Variants in C1QTNF3 observed in about 807,000 individuals in gnomAD.
The protein encoded by C1QTNF3 is complement C1q tumor necrosis factor-related protein 3.
A neutral mutation model predicts 32.6 loss-of-function variants in C1QTNF3; 26 were observed. The observed-to-expected ratio is 0.80, with a 90% CI of 0.58 to 1.11. C1QTNF3 has a LOEUF of 1.11. C1QTNF3 is among the 50% of genes least tolerant of loss of function. The pLI, the probability that C1QTNF3 is intolerant of heterozygous loss-of-function variation, is 0.00. For missense variants in C1QTNF3, 362 were observed against 398.2 expected (o/e 0.91, Z 0.77); for synonymous variants, 155 against 146.0 (o/e 1.06, Z -0.44).
chr5:34,146,450 T>C, the C1QTNF3 span, among the ~76,000 whole-genome samples: 2 of 152,146 alleles, frequency 1.3e-5, no homozygotes, highest in Non-Finnish European at 2.9e-5. Context: ...AATAGCATGA[T>C]ACTTGTACAA....
chr5:34,092,280 A>C, the C1QTNF3 span, among the ~76,000 whole-genome samples: 1 of 151,766 alleles, frequency 6.6e-6, no homozygotes, highest in Admixed American at 6.6e-5. Context: ...GGAAAAGAAA[A>C]ATTAAATAAT....
the C1QTNF3 span, among the ~76,000 whole-genome samples, chr5:34,131,255 CTTTA>C: frequency 1.8e-4 from 27 of 151,580 alleles, no homozygotes; most frequent in Non-Finnish European, 2.2e-4. Flanking sequence ...GAAATCAACA[CTTTA>C]TTTTTCAAAA....
chr5:34,148,007 C>T, the C1QTNF3 span, among the ~76,000 whole-genome samples: 54 of 152,180 alleles, frequency 3.5e-4, no homozygotes, highest in African/African-American at 1.0e-3. Context: ...GCGCACCATG[C>T]GCGAGCCGAA....
Position 34,019,123 on chromosome 5 carries a change from CT to C in C1QTNF3, c.*1459del, listed in dbSNP as rs1754264598. On this transcript the variant is annotated 3_prime_UTR_variant, in exon 6 of 6. Transcript: ENST00000382065. ...AGCCTGGGCAGCAGCGTGAAACTGT[CT>C]CAAAAAAAAAAAAGATTTAGAATTT... 8.6e-6 allele frequency among the ~76,000 whole-genome samples: 1 copy of C among 115,986 alleles called. No individual in the cohort carries two copies. The highest frequency in any genetic ancestry group is 8.5e-5 in the Admixed American group (1 of 11,716). 76.1% of individuals were successfully genotyped at this position (115,986 alleles called of 152,430 possible).
At chr5:34,025,574 C>T (rs1383793730) in intron 4 of C1QTNF3, among the ~76,000 whole-genome samples, 1 of 152,186 alleles carries the variant, frequency 6.6e-6, no homozygotes, top group Non-Finnish European at 1.5e-5. Context: ...AAAAACCAGC[C>T]TTCTCCGTCT....
chr5:34,082,338 T>C, the C1QTNF3 span, among the ~76,000 whole-genome samples: 2 of 151,404 alleles, frequency 1.3e-5, no homozygotes, highest in African/African-American at 4.9e-5. Flanking sequence ...ATGTTGTGTG[T>C]CCCTGAAAAT....
At chr5:34,231,730 A>G in the C1QTNF3 span, among the ~76,000 whole-genome samples, 1 of 151,998 alleles carries the variant, frequency 6.6e-6, no homozygotes, top group South Asian at 2.1e-4. Context: ...CAGAGGATGT[A>G]TGGAAATGCC....
the C1QTNF3 span, among the ~76,000 whole-genome samples, chr5:34,141,084 T>TAGAAGTCTA: frequency 6.6e-6 from 1 of 152,050 alleles, no homozygotes; most frequent in African/African-American, 2.4e-5. Context: ...TTCTAGAGGA[T>TAGAAGTCTA]AGAAGTCTAA....
chr5:34,086,203 A>G, the C1QTNF3 span, among the ~76,000 whole-genome samples: 1 of 150,984 alleles, frequency 6.6e-6, no homozygotes, highest in African/African-American at 2.5e-5. Flanking sequence ...AAAATCAAAC[A>G]CTGCATGTTC....
chr5:34,185,053 A>G, the C1QTNF3 span, among the ~76,000 whole-genome samples: 1 of 152,290 alleles, frequency 6.6e-6, no homozygotes, highest in Non-Finnish European at 1.5e-5. Flanking sequence ...TGCTTATTTA[A>G]TATATATTGT....
chr5:34,069,343 T>C, the C1QTNF3 span, among the ~76,000 whole-genome samples: 1 of 151,834 alleles, frequency 6.6e-6, no homozygotes, highest in African/African-American at 2.4e-5. Flanking sequence ...TATTAAATTA[T>C]ACATCTAGCA....
chr5:34,072,067 T>C, the C1QTNF3 span, among the ~76,000 whole-genome samples: 2 of 151,996 alleles, frequency 1.3e-5, no homozygotes, highest in Non-Finnish European at 2.9e-5. Context: ...GAAAGATTGA[T>C]TATAATTAAA....
the C1QTNF3 span, among the ~76,000 whole-genome samples, chr5:34,223,915 C>A: frequency 6.6e-6 from 1 of 151,922 alleles, no homozygotes; most frequent in Admixed American, 6.6e-5. Flanking sequence ...TTGTCTCAGC[C>A]CAAAATCTCC....
the C1QTNF3 span, among the ~76,000 whole-genome samples, chr5:34,078,699 T>C: frequency 2.6e-5 from 4 of 151,668 alleles, no homozygotes; most frequent in Non-Finnish European, 4.4e-5. The surrounding 1 kb of genome is among the most constrained non-coding windows in gnomAD (Gnocchi z 4.0). Flanking sequence ...AGTTATCCTA[T>C]AGATTTCAGC....
At chr5:34,241,954 A>AGGGAAGGAAGGG in the C1QTNF3 span, among the ~76,000 whole-genome samples, 1 of 92,746 alleles carries the variant, frequency 1.1e-5, no homozygotes, top group Non-Finnish European at 2.0e-5. Flanking sequence ...GGAGGGAGGG[A>AGGGAAGGAAGGG]AGGAAGGAAG....
chr5:34,099,376 A>G, the C1QTNF3 span, among the ~76,000 whole-genome samples: 5 of 152,248 alleles, frequency 3.3e-5, no homozygotes, highest in Admixed American at 1.3e-4. Context: ...GAATGACTTT[A>G]TAAGTTAAAA....
At chr5:34,156,838 C>A in the C1QTNF3 span, among the ~76,000 whole-genome samples, 2 of 152,016 alleles carry the variant, frequency 1.3e-5, no homozygotes, top group African/African-American at 4.8e-5. Flanking sequence ...TCACTTTTTT[C>A]TAATTGTTTG....
At chr5:34,129,314 AG>A in the C1QTNF3 span, among the ~76,000 whole-genome samples, 2 of 152,188 alleles carry the variant, frequency 1.3e-5, no homozygotes, top group African/African-American at 2.4e-5. Context: ...CATTATGCTA[AG>A]TGAAATAAGC....
chr5:34,217,591 C>A, the C1QTNF3 span, among the ~76,000 whole-genome samples: 2 of 152,054 alleles, frequency 1.3e-5, no homozygotes, highest in African/African-American at 2.4e-5. Flanking sequence ...AAGGAGCCAT[C>A]CCAGAAGTTT....
Sources: allele counts gnomAD v4.1 joint callset (sites outside exome capture counted in the v4.1 genomes callset), GRCh38; gene constraint gnomAD v4.1.1; non-coding constraint Gnocchi (gnomAD v3.1); transcripts MANE v1.5; gene names NCBI Gene and HGNC (gene_info 2026-07-23, HGNC 2026-07-21).